The following FITM2 variants were observed in gnomAD, a reference collection of about 807,000 sequenced individuals.
The protein encoded by FITM2 is fat storage inducing transmembrane protein 2.
Under a neutral mutation model 23.3 loss-of-function variants are expected in FITM2, and 16 were observed. That is an observed-to-expected ratio of 0.69 (90% confidence interval 0.47 to 1.05). FITM2 has a LOEUF of 1.05. FITM2 is among the 50% of genes least tolerant of loss of function. The pLI is 0.00. For synonymous variants in FITM2, 132 were observed against 142.0 expected, an observed-to-expected ratio of 0.93 and a Z score of 0.50; for missense variants, 273 against 327.5, an observed-to-expected ratio of 0.83 and a Z score of 1.29.
In FITM2 at chr20:44,304,169, A is replaced by G. The variant is rs979978055; in HGVS notation, c.*2456T>C. 1 of 152,200 alleles carries G rather than the reference A, an allele frequency of 6.6e-6. No individual in the cohort carries two copies. Among genetic ancestry groups the G allele is most frequent in the African/African-American group, 2.4e-5 (1 of 41,450 alleles). The allele number at this position is 152,200 out of a possible 1,614,324, so 9.4% of individuals were successfully genotyped here. A position where few individuals can be genotyped will look rare whatever the true frequency, so the allele number is the denominator to read the frequency against. On this transcript the variant is annotated 3_prime_UTR_variant, in exon 2 of 2. Coordinates refer to ENST00000396825, the MANE Select transcript of FITM2 (RefSeq NM_001080472.4). ...ATATTTAAAATATATCCTTATAGTA[A>G]AAGATTTTACACCGAAGATTCATCC... is the stretch of plus-strand genomic sequence containing the variant.
rs773430513 is a variant in FITM2, at chr20:44,304,393, C to G, written c.*2232G>C. Reference sequence around the variant, plus strand: ...TCTTATCACAGGGCGTGGAACTGTGCCTTTGTGGATGGAGGTGACAGGATT... The same window carrying G: ...TCTTATCACAGGGCGTGGAACTGTGGCTTTGTGGATGGAGGTGACAGGATT... On this transcript the variant is annotated 3_prime_UTR_variant, in exon 2 of 2. Transcript: ENST00000396825. The G allele has an allele frequency of 2.6e-5, 4 of 152,072 alleles. No homozygotes were observed. The highest frequency in any genetic ancestry group is 5.9e-5 in the Non-Finnish European group (4 of 68,022). The allele number at this position is 152,072 out of a possible 1,614,324, so 9.4% of individuals were successfully genotyped here. A position where few individuals can be genotyped will look rare whatever the true frequency, so the allele number is the denominator to read the frequency against.
rs771241095 is a variant in FITM2 at position 44,311,185 on chromosome 20, C to G, written c.-37G>C. 2.5e-6 allele frequency: 4 copies of G among 1,592,908 alleles called. No homozygotes were observed. Among genetic ancestry groups the G allele is most frequent in the South Asian group, 2.3e-5 (2 of 88,554 alleles). On this transcript the variant is annotated 5_prime_UTR_variant, in exon 1 of 2. Coordinates refer to ENST00000396825, the MANE Select transcript of FITM2 (RefSeq NM_001080472.4). ...TCAGCCACCGTCCTCCTCTCCGTGC[C>G]CTCTCGGCCACCGTATCGCCCTTCG...
At chr20:44,309,114 C>A (rs2062698354) in intron 1 of FITM2, among the ~76,000 whole-genome samples, 1 of 152,086 alleles carries the variant, frequency 6.6e-6, no homozygotes, top group Non-Finnish European at 1.5e-5. Context: ...CCTGCCTCAG[C>A]CTCCGGAGTA....
intron 1 of FITM2, among the ~76,000 whole-genome samples, chr20:44,308,085 T>A (rs1289325649): frequency 6.7e-6 from 1 of 149,034 alleles, no homozygotes; most frequent in Admixed American, 6.7e-5. Context: ...AGACTCCATC[T>A]CAAAAACAAA....
At position 44,306,460 on chromosome 20, in the gene FITM2, G is replaced by T. The variant is rs761401211; in HGVS notation, c.*165C>A. The T allele has an allele frequency of 7.8e-5, 68 of 869,494 alleles. No individual in the cohort carries two copies. The highest frequency in any genetic ancestry group is 4.2e-5 in the Non-Finnish European group (25 of 588,434). 53.9% of individuals were successfully genotyped at this position (869,494 alleles called of 1,614,324 possible). On this transcript the variant is annotated 3_prime_UTR_variant, in exon 2 of 2. Coordinates refer to ENST00000396825, the MANE Select transcript of FITM2 (RefSeq NM_001080472.4). ...AACACTGGTGATGTCGCCAAGAATA[G>T]TCTGAAGACTAAACTCACTCCCCAG... is the stretch of plus-strand genomic sequence containing the variant.
rs927368205 is a variant in FITM2, at chr20:44,305,532, C to A, written c.*1093G>T. The A allele has an allele frequency of 7.2e-5, 11 of 152,118 alleles. No individual in the cohort carries two copies. Among genetic ancestry groups the A allele is most frequent in the African/African-American group, 2.7e-4 (11 of 41,424 alleles). 9.4% of individuals were successfully genotyped at this position (152,118 alleles called of 1,614,324 possible). On this transcript the variant is annotated 3_prime_UTR_variant, in exon 2 of 2. Transcript: ENST00000396825. ...GGCATCAGGCTGTTTTTATAAAGAA[C>A]CCTGCCTGAGCCGGGCGCGGTGGCT...
At position 44,311,110 on chromosome 20, in the gene FITM2, C is replaced by T. The variant is rs6073401; in HGVS notation, c.39G>A (p.Gly13=). ...HLERCEWLLR[G]TLVRAAVRRY... is the part of the protein sequence containing the mutation. ...GCCGCACGGCCGCCCGCACCAGCGT[C>T]CCCCGCAACAACCACTCGCAGCGCT... The change falls in exon 1 of 2, where the codon GGG becomes GGA. Residue 13 remains glycine, a synonymous_variant. Transcript: ENST00000396825. The T allele has an allele frequency of 2.5e-6, 4 of 1,612,942 alleles. No homozygotes were observed. Among genetic ancestry groups the T allele is most frequent in the Non-Finnish European group, 3.4e-6 (4 of 1,179,552 alleles).
chr20:44,306,844 G>T lies in FITM2; in HGVS notation c.570C>A (p.Thr190=), dbSNP rs1250399886. ...RSHCLHTAIT[T]LVVALGILTF... ...TCAGAATGCCCAGGGCCACAACCAGGGTGGTGATGGCGGTGTGGAGGCAGT... is the reference window on the plus strand; with the variant it reads ...TCAGAATGCCCAGGGCCACAACCAGTGTGGTGATGGCGGTGTGGAGGCAGT... The change falls in exon 2 of 2, where the codon ACC becomes ACA. Residue 190 remains threonine (T), a synonymous_variant. Transcript: ENST00000396825. 1 of 1,614,030 alleles carries T rather than the reference G, an allele frequency of 6.2e-7. No homozygotes were observed. The highest frequency in any genetic ancestry group is 1.7e-5 in the Admixed American group (1 of 59,996).
In FITM2 at chr20:44,310,268, C is replaced by T. The variant is rs891492858; in HGVS notation, c.173+708G>A. Among the ~76,000 whole-genome samples, 8 of 152,268 alleles carry T rather than the reference C, an allele frequency of 5.3e-5. 1 individual carries two copies. On this transcript the variant is annotated intron_variant, in intron 1 of 1. Coordinates refer to ENST00000396825, the MANE Select transcript of FITM2 (RefSeq NM_001080472.4). ...AGTTTTTGTGCAATAAACTTACTAACCGGGAGTTTTGAAAAAAGCAAGTAA... is the reference window on the plus strand; with the variant it reads ...AGTTTTTGTGCAATAAACTTACTAATCGGGAGTTTTGAAAAAAGCAAGTAA...
At chr20:44,309,398 T>C (rs1349460195) in intron 1 of FITM2, among the ~76,000 whole-genome samples, 1 of 152,182 alleles carries the variant, frequency 6.6e-6, no homozygotes, top group African/African-American at 2.4e-5. Context: ...CAGGCTGGTC[T>C]TGAACTCCTG....
intron 1 of FITM2, among the ~76,000 whole-genome samples, chr20:44,310,642 C>T (rs1001732944): frequency 1.3e-5 from 2 of 152,178 alleles, no homozygotes; most frequent in African/African-American, 2.4e-5. Flanking sequence ...GCTCCTAACT[C>T]CAAGGGGAGG....
intron 1 of FITM2, 79 bp from the exon 2 acceptor site, chr20:44,307,319 T>A: frequency 6.5e-7 from 1 of 1,535,456 alleles, no homozygotes; most frequent in South Asian, 1.2e-5. Context: ...GTCTCTACAC[T>A]GTCAGGGGAG....
At position 44,304,295 on chromosome 20, in the gene FITM2, G is replaced by A. The variant is rs911996740; in HGVS notation, c.*2330C>T. On this transcript the variant is annotated 3_prime_UTR_variant, in exon 2 of 2. Transcript: ENST00000396825. Reference sequence around the variant, plus strand: ...GAGAGGGGCATCAAGGCGGCCTTAAGGGTGATTACCCCAACAGCAAGGGGC... The same window carrying A: ...GAGAGGGGCATCAAGGCGGCCTTAAAGGTGATTACCCCAACAGCAAGGGGC... 2 of 152,188 alleles carry A rather than the reference G, an allele frequency of 1.3e-5. No homozygotes were observed. Among genetic ancestry groups the A allele is most frequent in the African/African-American group, 4.8e-5 (2 of 41,414 alleles). 9.4% of individuals were successfully genotyped at this position (152,188 alleles called of 1,614,324 possible). A position where few individuals can be genotyped will look rare whatever the true frequency, so the allele number is the denominator to read the frequency against.
At chr20:44,310,040 G>A (rs566759349) in intron 1 of FITM2, among the ~76,000 whole-genome samples, 13 of 152,292 alleles carry the variant, frequency 8.5e-5, no homozygotes, top group African/African-American at 2.9e-4. Context: ...TCTTCACTGG[G>A]ACTGATAAGG....
chr20:44,310,668 A>AG (rs555002137), intron 1 of FITM2, among the ~76,000 whole-genome samples: 59 of 152,230 alleles, frequency 3.9e-4, no homozygotes, highest in Non-Finnish European at 7.5e-4. Flanking sequence ...GAGTGGTGAC[A>AG]GGGGCTGGTT....
rs764188779 is a variant in FITM2 at position 44,311,009 on chromosome 20, C to A, written c.140G>T (p.Ser47Ile). 1 of 1,568,348 alleles carries A rather than the reference C, an allele frequency of 6.4e-7. No homozygotes were observed. The highest frequency in any genetic ancestry group is 8.6e-7 in the Non-Finnish European group (1 of 1,157,678). ...LLKELSPLPESYLSNKRNVLN... is the reference protein window; with the variant it reads ...LLKELSPLPEIYLSNKRNVLN... ...GACGTTGCGCTTGTTGCTGAGGTAG[C>A]TCTCGGGCAACGGGGACAACTCCTT... is the stretch of plus-strand genomic sequence containing the variant. The change falls in exon 1 of 2, where the codon AGC (serine) becomes ATC (isoleucine). Residue 47 changes from serine (S) to isoleucine (I), a missense_variant. Physicochemically the swap from Ser to Ile is moderately radical, Grantham distance 142. Around this residue, in one of 3 missense-constraint regions of FITM2, gnomAD observed 123 missense variants for 117.9 expected, o/e 1.04. Transcript: ENST00000396825.
In FITM2 at chr20:44,305,157, A is replaced by C. The variant is rs2062686195; in HGVS notation, c.*1468T>G. 1 of 152,220 alleles carries C rather than the reference A, an allele frequency of 6.6e-6. No homozygotes were observed. Among genetic ancestry groups the C allele is most frequent in the African/African-American group, 2.4e-5 (1 of 41,444 alleles). The allele number at this position is 152,220 out of a possible 1,614,324, so 9.4% of individuals were successfully genotyped here. ...TCAACCAGCCAACCAACCAACCAACAAACCCTCAAAACAACCTACATGTGC... is the reference window on the plus strand; with the variant it reads ...TCAACCAGCCAACCAACCAACCAACCAACCCTCAAAACAACCTACATGTGC... On this transcript the variant is annotated 3_prime_UTR_variant, in exon 2 of 2. Transcript: ENST00000396825.
chr20:44,306,884 T>C lies in FITM2; in HGVS notation c.530A>G (p.Lys177Arg). 1 of 1,614,160 alleles carries C rather than the reference T, an allele frequency of 6.2e-7. No individual in the cohort carries two copies. The highest frequency in any genetic ancestry group is 8.5e-7 in the Non-Finnish European group (1 of 1,180,030). The change falls in exon 2 of 2, where the codon AAG becomes AGG. Residue 177 changes from lysine (K) to arginine (R), a missense_variant. Lys to Arg is a conservative substitution (Grantham distance 26, BLOSUM62 2). This residue lies in a region of FITM2 where 117 missense variants were observed against 183.3 expected (regional missense o/e 0.64). Coordinates refer to ENST00000396825, the MANE Select transcript of FITM2 (RefSeq NM_001080472.4). ...GTGGAGGCAGTGGCTTCGGTCCGTC[T>C]TCACCTCATGCAGCACAGACATCTC... ...VEEMSVLHEVKTDRSHCLHTA... is the reference protein window; with the variant it reads ...VEEMSVLHEVRTDRSHCLHTA...
Position 44,304,122 on chromosome 20 carries a change from C to T in FITM2, c.*2503G>A, listed in dbSNP as rs1360413660. The T allele has an allele frequency of 6.6e-6, 1 of 152,180 alleles. No individual in the cohort carries two copies. Among genetic ancestry groups the T allele is most frequent in the East Asian group, 1.9e-4 (1 of 5,194 alleles). 9.4% of individuals were successfully genotyped at this position (152,180 alleles called of 1,614,324 possible). ...ACTCATTGTGATGGATAAAATTAAC[C>T]TCCAACTTGATGGGATATGAAATAT... On this transcript the variant is annotated 3_prime_UTR_variant, in exon 2 of 2. Coordinates refer to ENST00000396825, the MANE Select transcript of FITM2 (RefSeq NM_001080472.4).
Sources: allele counts gnomAD v4.1 joint callset (sites outside exome capture counted in the v4.1 genomes callset), GRCh38; gene constraint gnomAD v4.1.1; regional missense constraint gnomAD v4.1.1; transcripts MANE v1.5; gene names NCBI Gene and HGNC (gene_info 2026-07-23, HGNC 2026-07-21).